The following PLD5 variants were observed in gnomAD, a reference collection of about 807,000 sequenced individuals.
PLD5 encodes inactive phospholipase D5.
Under a neutral mutation model 61.1 loss-of-function variants are expected in PLD5, and 36 were observed. The ratio of observed to expected loss-of-function variants is 0.59; its 90% CI spans 0.45 to 0.78. PLD5 has a LOEUF of 0.78. Among genes scored for constraint, PLD5 ranks in the 30% least tolerant of loss-of-function variants. PLD5 has a pLI of 0.00. For synonymous variants in PLD5, 243 were observed against 242.8 expected, an observed-to-expected ratio of 1.00 and a Z score of -0.01; for missense variants, 515 against 644.4, an observed-to-expected ratio of 0.80 and a Z score of 2.17.
intron 1 of PLD5, among the ~76,000 whole-genome samples, chr1:242,418,608 T>C (rs1002600896): frequency 6.6e-6 from 1 of 152,146 alleles, no homozygotes; most frequent in African/African-American, 2.4e-5. Context: ...AAAAAAGTGC[T>C]TCTGGGAAGA....
At position 242,265,379 on chromosome 1, in the gene PLD5, C is replaced by T. The variant is rs139255829; in HGVS notation, c.565G>A (p.Val189Ile). The T allele has an allele frequency of 5.6e-6, 9 of 1,612,776 alleles. No homozygotes were observed. Among genetic ancestry groups the T allele is most frequent in the Non-Finnish European group, 7.6e-6 (9 of 1,179,604 alleles). ...TCTAATACCTTTGAATCAGCTGTTA[C>T]ATCACTCACTAGCTTGATTTCAATA... The part of the protein sequence containing the change: ...QNIEIKLVSD[V>I]TADSKVLEAL... Residue 189 changes from valine to isoleucine, a missense_variant, in exon 4 of 10, where the codon GTA becomes ATA. Around this residue, in one of 2 missense-constraint regions of PLD5, gnomAD observed 450 missense variants for 598.1 expected, o/e 0.75. Transcript: ENST00000536534.
At chr1:242,149,518 T>A (rs551816167) in intron 5 of PLD5, among the ~76,000 whole-genome samples, 51 of 151,744 alleles carry the variant, frequency 3.4e-4, no homozygotes, top group African/African-American at 1.1e-3. Context: ...TTTTTTTTTT[T>A]AATATTCTGG....
At chr1:242,248,919 G>A (rs1210860186) in intron 4 of PLD5, among the ~76,000 whole-genome samples, 4 of 152,084 alleles carry the variant, frequency 2.6e-5, no homozygotes, top group Non-Finnish European at 4.4e-5. Flanking sequence ...AGGCCAAGGC[G>A]GGCGGATCAC....
chr1:242,123,871 G>A (rs1215130523), intron 6 of PLD5, among the ~76,000 whole-genome samples: 2 of 152,306 alleles, frequency 1.3e-5, no homozygotes, highest in East Asian at 1.9e-4. Flanking sequence ...AGGTGAGGGT[G>A]GGTGGAGGGT....
intron 1 of PLD5, among the ~76,000 whole-genome samples, chr1:242,406,522 G>A (rs758502387): frequency 6.6e-6 from 1 of 152,198 alleles, no homozygotes; most frequent in African/African-American, 2.4e-5. Flanking sequence ...CTAGGCATGT[G>A]TTAAATAGAA....
At chr1:242,257,730 A>G (rs570368787) in intron 4 of PLD5, among the ~76,000 whole-genome samples, 23 of 152,322 alleles carry the variant, frequency 1.5e-4, no homozygotes, top group African/African-American at 5.1e-4. Flanking sequence ...GTTGCACATG[A>G]TAAATATATG....
chr1:242,449,257 C>T (rs915669894), intron 1 of PLD5: 1 of 1,444,260 alleles, frequency 6.9e-7, no homozygotes, highest in African/African-American at 1.4e-5. Flanking sequence ...AGTGACTGTT[C>T]AGTCTCATGC....
intron 1 of PLD5, among the ~76,000 whole-genome samples, chr1:242,391,880 C>T (rs941601238): frequency 6.6e-6 from 1 of 152,146 alleles, no homozygotes; most frequent in African/African-American, 2.4e-5. Flanking sequence ...AACAGAACCA[C>T]CATTTGACTC....
At chr1:242,356,481 T>A (rs1259077828) in intron 1 of PLD5, among the ~76,000 whole-genome samples, 3 of 152,098 alleles carry the variant, frequency 2.0e-5, no homozygotes, top group Non-Finnish European at 4.4e-5. Flanking sequence ...GTGTAGGCAG[T>A]ATGTACTTGG....
At chr1:242,245,758 A>G (rs941290864) in intron 4 of PLD5, among the ~76,000 whole-genome samples, 13 of 152,154 alleles carry the variant, frequency 8.5e-5, no homozygotes, top group African/African-American at 2.9e-4. Flanking sequence ...TTTAGGCTGC[A>G]TATTCCAAGC....
chr1:242,136,002 C>CG (rs1663693102), intron 5 of PLD5, among the ~76,000 whole-genome samples: 1 of 151,740 alleles, frequency 6.6e-6, no homozygotes, highest in Admixed American at 6.6e-5. Context: ...ACTTGTTCCT[C>CG]GGGGTGGGAG....
At chr1:242,338,422 T>A (rs1276738729) in intron 2 of PLD5, among the ~76,000 whole-genome samples, 1 of 151,970 alleles carries the variant, frequency 6.6e-6, no homozygotes, top group African/African-American at 2.4e-5. Context: ...TACTCATGAT[T>A]ATCAGATATG....
chr1:242,313,812 G>GGTC (rs200848941), intron 2 of PLD5, among the ~76,000 whole-genome samples: 99,459 of 151,774 alleles, frequency 0.66, 34,816 homozygotes, highest in Non-Finnish European at 0.77. Flanking sequence ...GTGCTTCATT[G>GGTC]ATCTTGCACT....
chr1:242,141,087 C>T (rs768645583), intron 5 of PLD5, among the ~76,000 whole-genome samples: 43 of 152,184 alleles, frequency 2.8e-4, no homozygotes, highest in East Asian at 5.8e-4. Context: ...GTCTCTGAGG[C>T]TTGGGTAGTG....
At chr1:242,497,331 T>C (rs922794653) in intron 1 of PLD5, among the ~76,000 whole-genome samples, 1 of 152,232 alleles carries the variant, frequency 6.6e-6, no homozygotes, top group Non-Finnish European at 1.5e-5. Flanking sequence ...TCTTATTATT[T>C]TACTATAGTC....
intron 1 of PLD5, among the ~76,000 whole-genome samples, chr1:242,467,049 T>G (rs1170161767): frequency 1.3e-5 from 2 of 152,164 alleles, no homozygotes; most frequent in African/African-American, 4.8e-5. Flanking sequence ...GCATAGTGAC[T>G]ATAGTTAACA....
intron 5 of PLD5, among the ~76,000 whole-genome samples, chr1:242,133,335 A>G (rs1322081074): frequency 6.6e-6 from 1 of 152,146 alleles, no homozygotes; most frequent in Non-Finnish European, 1.5e-5. Flanking sequence ...CATATAACCA[A>G]TGGGAAACCT....
chr1:242,395,043 G>GTA (rs1553366941), intron 1 of PLD5, among the ~76,000 whole-genome samples: 5 of 67,462 alleles, frequency 7.4e-5, no homozygotes, highest in African/African-American at 1.5e-4. Context: ...GAATGTATAT[G>GTA]TATATATGAA....
intron 5 of PLD5, among the ~76,000 whole-genome samples, chr1:242,170,114 T>G (rs1030893146): frequency 6.6e-6 from 1 of 152,228 alleles, no homozygotes; most frequent in African/African-American, 2.4e-5. Context: ...AAGTTAGTCC[T>G]TGACTCTCAT....
Sources: gnomAD v4.1 joint callset for allele counts (sites outside exome capture counted in the v4.1 genomes callset) on GRCh38, gnomAD v4.1.1 for gene constraint, gnomAD v4.1.1 regional missense constraint, MANE v1.5 for transcripts, NCBI Gene and HGNC (gene_info 2026-07-23, HGNC 2026-07-21) for gene names.